Variants in CSAD observed in about 807,000 individuals in gnomAD.
CSAD encodes the protein P-selectin cytoplasmic tail-associated protein.
CSAD carries 47 observed loss-of-function variants against 61.5 expected under a neutral mutation model. That is an observed-to-expected ratio of 0.76 (90% CI 0.60 to 0.97). The LOEUF is 0.97. Ranked by LOEUF, CSAD falls within the 50% of genes least tolerant of loss-of-function variation. CSAD has a pLI of 0.00. For synonymous variants in CSAD, 245 were observed against 252.7 expected (o/e 0.97, Z 0.29); for missense variants, 611 against 643.6 (o/e 0.95, Z 0.55).
intron 8 of CSAD, 58 bp downstream of exon 8, chr12:53,171,268 T>C: frequency 2.5e-6 from 4 of 1,611,626 alleles, no homozygotes; most frequent in Non-Finnish European, 3.4e-6. Flanking sequence ...AGGTCTCTAC[T>C]TAGCTGGCTG....
In CSAD at chr12:53,172,381, G is replaced by C. The variant is rs57871710; in HGVS notation, c.309C>G (p.Ala103=). The part of the protein sequence containing the change: ...LFSGLDPHAL[A]GRIITESLNT... ...TGAGGCTCTCAGTGATAATGCGCCC[G>C]GCCAGAGCATGGGGATCCAACCCAG... The change falls in exon 6 of 17, where the codon GCC becomes GCG. Residue 103 remains alanine (A), a synonymous_variant. Coordinates refer to ENST00000444623, the MANE Select transcript of CSAD (RefSeq NM_001244705.2). 2.5e-5 allele frequency: 40 copies of C among 1,613,970 alleles called. No individual in the cohort carries two copies. The highest frequency in any genetic ancestry group is 2.8e-5 in the Non-Finnish European group (33 of 1,180,028).
intron 16 of CSAD, among the ~76,000 whole-genome samples, chr12:53,159,354 G>A (rs1357412136): frequency 1.3e-5 from 2 of 152,176 alleles, no homozygotes; most frequent in Admixed American, 1.3e-4. Flanking sequence ...TCCTGGGCCT[G>A]AGTTCCCAGC....
intron 1 of CSAD, chr12:53,179,814 T>G (rs1412252860): frequency 6.2e-7 from 1 of 1,613,902 alleles, no homozygotes; most frequent in South Asian, 1.1e-5. Flanking sequence ...GACATCTCCT[T>G]CCATCAAGCG....
intron 2 of CSAD, chr12:53,178,272 A>T: frequency 2.3e-6 from 1 of 435,812 alleles, no homozygotes; most frequent in South Asian, 1.6e-5. Context: ...TAGGAATTCG[A>T]GACCAGCCTG....
intron 1 of CSAD, chr12:53,179,941 C>T (rs1358652185): frequency 7.6e-6 from 12 of 1,579,468 alleles, no homozygotes; most frequent in Non-Finnish European, 1.0e-5. Context: ...GCCAGGACTC[C>T]CATAAGACTA....
Position 53,172,417 on chromosome 12 carries a change from G to T in CSAD, c.273C>A (p.Asn91Lys), listed in dbSNP as rs761078044. Residue 91 changes from asparagine (N) to lysine (K), a missense_variant, in exon 6 of 17, where the codon AAC becomes AAA. Physicochemically the swap from Asn to Lys is moderately conservative, Grantham distance 94. Coordinates refer to ENST00000444623, the MANE Select transcript of CSAD (RefSeq NM_001244705.2). ...GGGGATCCAACCCAGAGAAGAGCTG[G>T]TTGAAGAACCGAGGGTGACCTGGAG... ...SVKTGHPRFF[N>K]QLFSGLDPHA... is the part of the protein sequence containing the mutation. 2 of 1,614,190 alleles carry T rather than the reference G, an allele frequency of 1.2e-6. No individual in the cohort carries two copies. The highest frequency in any genetic ancestry group is 1.7e-6 in the Non-Finnish European group (2 of 1,180,044).
In CSAD at chr12:53,171,347, CA is replaced by C. The variant is rs1186099415; in HGVS notation, c.545del (p.Leu182ArgfsTer69). ...KQRGLRTLPP[L>X]ALFTSKECHY... ...CCACCTCCTTCGATGTGAATAGGGC[CA>C]GGGGCGGCAGTGTGCGGAGGCCCCT... On this transcript the variant is annotated frameshift_variant, in exon 8 of 17. Transcript: ENST00000444623. LOFTEE classifies it high-confidence loss of function. 8.7e-6 allele frequency: 14 copies of C among 1,613,962 alleles called. No individual in the cohort carries two copies. Among genetic ancestry groups the C allele is most frequent in the Non-Finnish European group, 1.0e-5 (12 of 1,180,038 alleles).
chr12:53,180,613 T>C, intron 1 of CSAD, 119 bp downstream of exon 1: 1 of 1,283,752 alleles, frequency 7.8e-7, no homozygotes, highest in Non-Finnish European at 1.0e-6. Context: ...GCTCTGAGGC[T>C]GCCCCCGCTA....
chr12:53,178,809 A>G (rs1400448006), intron 2 of CSAD, among the ~76,000 whole-genome samples: 2 of 152,166 alleles, frequency 1.3e-5, no homozygotes, highest in Non-Finnish European at 2.9e-5. Flanking sequence ...ATAAAAATAA[A>G]TTTAAATAAA....
chr12:53,165,776 A>T (rs983026161), intron 10 of CSAD, among the ~76,000 whole-genome samples: 4 of 152,182 alleles, frequency 2.6e-5, no homozygotes, highest in Admixed American at 6.5e-5. Flanking sequence ...CACTATAGAA[A>T]ACAGTATGGC....
intron 10 of CSAD, among the ~76,000 whole-genome samples, chr12:53,163,022 T>C (rs1001716566): frequency 6.6e-6 from 1 of 151,140 alleles, no homozygotes; most frequent in East Asian, 1.9e-4. Flanking sequence ...GATCACGCCA[T>C]TGCACCTCAG....
chr12:53,181,099 G>T, upstream of CSAD: 1 of 930,096 alleles, frequency 1.1e-6, no homozygotes, highest in Non-Finnish European at 1.3e-6. Context: ...CGCGCTTCTC[G>T]GCACTCTCCG....
At chr12:53,174,615 G>A (rs970317766) in intron 2 of CSAD, among the ~76,000 whole-genome samples, 5 of 151,920 alleles carry the variant, frequency 3.3e-5, no homozygotes, top group African/African-American at 7.3e-5. Flanking sequence ...CCAACATGGC[G>A]AAACCTCATT....
intron 4 of CSAD, 29 bp from the exon 5 acceptor site, chr12:53,172,677 C>T (rs1165492932): frequency 6.3e-7 from 1 of 1,588,632 alleles, no homozygotes; most frequent in South Asian, 1.1e-5. Context: ...ATGCTGGGGG[C>T]CTGGGATGCC....
In CSAD at chr12:53,173,746, C is replaced by G; in HGVS notation, c.-25G>C. The G allele has an allele frequency of 6.2e-7, 1 of 1,612,660 alleles. No individual in the cohort carries two copies. Among genetic ancestry groups the G allele is most frequent in the South Asian group, 1.1e-5 (1 of 90,886 alleles). The stretch of plus-strand genomic sequence containing the variant: ...AGCTTACCTCTCTGCTCAGGAGAGC[C>G]GGAGGCAGGGTGCACAGGTAGCTCC... On this transcript the variant is annotated 5_prime_UTR_variant, in exon 3 of 17. Coordinates refer to ENST00000444623, the MANE Select transcript of CSAD (RefSeq NM_001244705.2).
intron 2 of CSAD, 88 bp from the exon 3 acceptor site, chr12:53,173,858 C>A (rs2121514953): frequency 7.6e-7 from 1 of 1,314,378 alleles, no homozygotes; most frequent in Non-Finnish European, 1.1e-6. Context: ...AAAGTTGTTG[C>A]AACCATCATC....
intron 3 of CSAD, 95 bp downstream of exon 3, chr12:53,173,633 G>C: frequency 6.8e-7 from 1 of 1,465,842 alleles, no homozygotes; most frequent in Non-Finnish European, 9.5e-7. Flanking sequence ...TGCCCAGGGA[G>C]AAAACCAGTG....
At chr12:53,159,431 C>T (rs887332141) in intron 16 of CSAD, among the ~76,000 whole-genome samples, 192 bp downstream of exon 16, 2 of 152,334 alleles carry the variant, frequency 1.3e-5, no homozygotes, top group South Asian at 2.1e-4. Context: ...CTGTAACACA[C>T]GTCGCTGCTT....
rs759248733 is a variant in CSAD at position 53,160,069 on chromosome 12, A to AT, written c.1166+50dup. ...CCGGGAGCAGGAAAGAGGGAGGGGC[A>AT]TGGACCCAGGAGAGGGGAACAGGGA... is the stretch of plus-strand genomic sequence containing the variant. On this transcript the variant is annotated intron_variant, in intron 14 of 16. Coordinates refer to ENST00000444623, the MANE Select transcript of CSAD (RefSeq NM_001244705.2). The AT allele has an allele frequency of 3.0e-5, 48 of 1,607,328 alleles. No homozygotes were observed. In the African/African-American group the frequency reaches 5.7e-4, roughly 19 times the overall value.
Sources: gnomAD v4.1 joint callset for allele counts (sites outside exome capture counted in the v4.1 genomes callset) on GRCh38, gnomAD v4.1.1 for gene constraint, MANE v1.5 for transcripts, NCBI Gene and HGNC (gene_info 2026-07-23, HGNC 2026-07-21) for gene names.